The following ATG13 variants were observed in gnomAD, a reference collection of about 807,000 sequenced individuals.
ATG13 encodes the protein autophagy-related protein 13.
Under a neutral mutation model 65.5 loss-of-function variants are expected in ATG13, and 23 were observed. The ratio of observed to expected loss-of-function variants is 0.35; its 90% confidence interval spans 0.25 to 0.50. The LOEUF (loss-of-function observed/expected upper bound fraction) is 0.50, where lower values mean the gene tolerates loss of function less well. ATG13 is among the 20% of genes least tolerant of loss of function. ATG13 has a pLI of 0.98. For missense variants in ATG13, 566 were observed against 677.0 expected (o/e 0.84, Z 1.82); for synonymous variants, 252 against 245.2 (o/e 1.03, Z -0.26).
In ATG13 at chr11:46,624,431, A is replaced by G. The variant is rs193265059; in HGVS notation, c.-69-5614A>G. Among the ~76,000 whole-genome samples the G allele has an allele frequency of 2.0e-5, 3 of 152,086 alleles. No homozygotes were observed. The East Asian group carries it at 5.8e-4, about 29-fold the overall frequency. On this transcript the variant is annotated intron_variant, in intron 1 of 18. Transcript: ENST00000683050. ...GAAATCCAGGAACTGGTCCAGCATC[A>G]AGCTTTGCATTTAGTTGTCACACTT...
At position 46,619,372 on chromosome 11, in the gene ATG13, C is replaced by CT. The variant is rs746642470; in HGVS notation, c.-70+1511dup. Among the ~76,000 whole-genome samples, 245 of 35,316 alleles carry CT rather than the reference C, an allele frequency of 6.9e-3. 87 individuals are homozygous for CT. Among genetic ancestry groups the CT allele is most frequent in the Non-Finnish European group, 8.7e-3 (163 of 18,680 alleles). 23.2% of individuals were successfully genotyped at this position (35,316 alleles called of 152,430 possible). ...ATGTCCTTGGAAGGTAGATTTCTTG[C>CT]TTTTTTTTTTTTTTTTTTTTTTTTT... On this transcript the variant is annotated intron_variant, in intron 1 of 18. Coordinates refer to ENST00000683050, the MANE Select transcript of ATG13 (RefSeq NM_001346311.2).
chr11:46,663,424 A>G (rs892789964), intron 11 of ATG13, among the ~76,000 whole-genome samples: 4 of 152,038 alleles, frequency 2.6e-5, no homozygotes, highest in Non-Finnish European at 5.9e-5. Context: ...GGACTGTAAG[A>G]ACGCATACAC....
chr11:46,646,869 C>T (rs2057696937), intron 5 of ATG13, among the ~76,000 whole-genome samples: 1 of 152,030 alleles, frequency 6.6e-6, no homozygotes, highest in East Asian at 1.9e-4. Flanking sequence ...AAACAGTCCT[C>T]CCACCTCAGC....
chr11:46,642,144 T>C (rs934500282), intron 2 of ATG13, among the ~76,000 whole-genome samples: 3 of 152,090 alleles, frequency 2.0e-5, no homozygotes, highest in African/African-American at 7.2e-5. Flanking sequence ...TTGTTTATTC[T>C]TTTCCTTAAA....
At position 46,674,270 on chromosome 11, in the gene ATG13, T is replaced by G. The variant is rs1048450179; in HGVS notation, c.*1938T>G. 2 of 152,224 alleles carry G rather than the reference T, an allele frequency of 1.3e-5. No individual in the cohort carries two copies. The highest frequency in any genetic ancestry group is 4.8e-5 in the African/African-American group (2 of 41,426). The allele number at this position is 152,224 out of a possible 1,614,324, so 9.4% of individuals were successfully genotyped here. On this transcript the variant is annotated 3_prime_UTR_variant, in exon 19 of 19. Transcript: ENST00000683050. ...CTGTGAAGAGTCTCAGCCATGACTTTGAGCTGAGCTTGGGAGAAGTAAAGC... is the reference window on the plus strand; with the variant it reads ...CTGTGAAGAGTCTCAGCCATGACTTGGAGCTGAGCTTGGGAGAAGTAAAGC...
At chr11:46,633,213 A>G (rs923825802) in intron 2 of ATG13, among the ~76,000 whole-genome samples, 1 of 147,334 alleles carries the variant, frequency 6.8e-6, no homozygotes, top group African/African-American at 2.5e-5. Flanking sequence ...TTTGGTGGAG[A>G]TGGGGCTTCA....
Position 46,645,874 on chromosome 11 carries a change from A to G in ATG13, c.155A>G (p.Asn52Ser). 1.2e-6 allele frequency: 2 copies of G among 1,614,026 alleles called. No individual in the cohort carries two copies. The highest frequency in any genetic ancestry group is 1.7e-6 in the Non-Finnish European group (2 of 1,179,956). The change falls in exon 5 of 19, where the codon AAC (asparagine) becomes AGC (serine). Residue 52 changes from asparagine (N) to serine (S), a missense_variant. Around this residue, in one of 2 missense-constraint regions of ATG13, gnomAD observed 179 missense variants for 267.2 expected, o/e 0.67. Coordinates refer to ENST00000683050, the MANE Select transcript of ATG13 (RefSeq NM_001346311.2). The part of the protein sequence containing the change: ...SSSPTGSDWF[N>S]LAIKDIPEVT... ...AAAGTCCCTTTTGTTTTCCAGTTCA[A>G]CTTAGCAATCAAAGACATCCCAGAG...
chr11:46,671,883 T>G (rs2063814039), intron 18 of ATG13, among the ~76,000 whole-genome samples: 1 of 152,376 alleles, frequency 6.6e-6, no homozygotes, highest in Non-Finnish European at 1.5e-5. Context: ...TGAAGAAATC[T>G]TTTGTAAACT....
At chr11:46,665,653 T>G in intron 14 of ATG13, 134 bp downstream of exon 14, 5 of 1,260,100 alleles carry the variant, frequency 4.0e-6, no homozygotes, top group Non-Finnish European at 5.4e-6. Flanking sequence ...GCCCAAAGCA[T>G]GGACTCCTAG....
chr11:46,664,784 C>T (rs150606461), intron 12 of ATG13, 65 bp from the exon 13 acceptor site: 24 of 1,432,692 alleles, frequency 1.7e-5, no homozygotes, highest in East Asian at 4.5e-5. Flanking sequence ...TTGTTTGTCA[C>T]GCTCTGGGAT....
chr11:46,652,866 A>G (rs542823952), intron 7 of ATG13, among the ~76,000 whole-genome samples: 1 of 152,228 alleles, frequency 6.6e-6, no homozygotes, highest in South Asian at 2.1e-4. Flanking sequence ...CTTTATTAAC[A>G]TTGTTCCTAT....
intron 1 of ATG13, among the ~76,000 whole-genome samples, chr11:46,628,109 A>T (rs573920348): frequency 5.7e-4 from 86 of 151,756 alleles, no homozygotes; most frequent in Admixed American, 1.5e-3. Context: ...AAAGGCAGGA[A>T]AAAAAGCATT....
rs760281512 is a variant in ATG13, at chr11:46,620,026, C to CA, written c.-70+2154dup. 6.2e-3 allele frequency among the ~76,000 whole-genome samples: 627 copies of CA among 100,970 alleles called. 9 individuals carry two copies. Among genetic ancestry groups the CA allele is most frequent in the Middle Eastern group, 0.038 (7 of 182 alleles). The allele number at this position is 100,970 out of a possible 152,430, so 66.2% of individuals were successfully genotyped here. ...CCCGGGAGACAGCGCCCCTCTGTCT[C>CA]AAAAAAAAAAAAAAAAAATTCCTCT... On this transcript the variant is annotated intron_variant, in intron 1 of 18. Coordinates refer to ENST00000683050, the MANE Select transcript of ATG13 (RefSeq NM_001346311.2).
rs1358648549 is a variant in ATG13, at chr11:46,664,851, CTCAAGCTCTCGCCTTTCCTA to C, written c.895_914del (p.Ser299AlafsTer10). 1 of 1,613,440 alleles carries C rather than the reference CTCAAGCTCTCGCCTTTCCTA, an allele frequency of 6.2e-7. No individual in the cohort carries two copies. The highest frequency in any genetic ancestry group is 8.5e-7 in the Non-Finnish European group (1 of 1,179,550). On this transcript the variant is annotated frameshift_variant, in exon 13 of 19. Coordinates refer to ENST00000683050, the MANE Select transcript of ATG13 (RefSeq NM_001346311.2). LOFTEE classifies it high-confidence loss of function. ...CTCTTTGTTTTTCTCTTGCTTAGCT[CTCAAGCTCTCGCCTTTCCTA>C]TCAGCCTGCTGCCCTGGGCGTTGGA...
intron 2 of ATG13, among the ~76,000 whole-genome samples, chr11:46,635,159 A>G (rs1354631978): frequency 6.6e-6 from 1 of 151,244 alleles, no homozygotes; most frequent in Non-Finnish European, 1.5e-5. Flanking sequence ...AGGCTGCGGC[A>G]CCACTCCTGG....
intron 2 of ATG13, among the ~76,000 whole-genome samples, chr11:46,641,664 A>G (rs1477494545): frequency 6.6e-6 from 1 of 151,988 alleles, no homozygotes; most frequent in African/African-American, 2.4e-5. Flanking sequence ...CTATAACTGT[A>G]TCTGGATTGT....
At chr11:46,620,821 A>G (rs1344117741) in intron 1 of ATG13, among the ~76,000 whole-genome samples, 2 of 152,106 alleles carry the variant, frequency 1.3e-5, no homozygotes, top group Non-Finnish European at 2.9e-5. Context: ...TTGACTTAAC[A>G]GGGTCTCCTC....
At chr11:46,624,511 T>C (rs2048815472) in intron 1 of ATG13, among the ~76,000 whole-genome samples, 1 of 152,060 alleles carries the variant, frequency 6.6e-6, no homozygotes, top group Non-Finnish European at 1.5e-5. Flanking sequence ...TGTTCTTTTA[T>C]AACACTGACG....
chr11:46,632,838 G>C (rs954308128), intron 2 of ATG13, among the ~76,000 whole-genome samples: 3 of 150,968 alleles, frequency 2.0e-5, no homozygotes, highest in South Asian at 2.1e-4. Flanking sequence ...CTTATTACTT[G>C]ACACATCTCT....
Sources: allele counts gnomAD v4.1 joint callset (sites outside exome capture counted in the v4.1 genomes callset), GRCh38; gene constraint gnomAD v4.1.1; regional missense constraint gnomAD v4.1.1; transcripts MANE v1.5; gene names NCBI Gene and HGNC (gene_info 2026-07-23, HGNC 2026-07-21).